Variants in SLC18B1 observed in about 807,000 individuals in gnomAD.
SLC18B1 encodes the protein MFS-type transporter SLC18B1.
A neutral mutation model predicts 53.9 loss-of-function variants in SLC18B1; 62 were observed. The observed-to-expected ratio is 1.15, with a 90% CI of 0.94 to 1.42. The LOEUF is 1.42. Ranked by LOEUF, SLC18B1 falls within the 40% of genes most tolerant of loss-of-function variation. The pLI is 0.00. For missense variants in SLC18B1, 598 were observed against 547.3 expected (o/e 1.09, Z -0.93); for synonymous variants, 217 against 200.9 (o/e 1.08, Z -0.68).
At chr6:132,775,851 G>C (rs1781085701) in intron 8 of SLC18B1, among the ~76,000 whole-genome samples, 1 of 152,160 alleles carries the variant, frequency 6.6e-6, no homozygotes, top group Non-Finnish European at 1.5e-5. Flanking sequence ...CTAGGACTTT[G>C]CCCTATTTAT....
rs1418554673 is a variant in SLC18B1, at chr6:132,774,301, A to G, written c.910T>C (p.Trp304Arg). The change falls in exon 9 of 14, where the codon TGG (tryptophan) becomes CGG (arginine). Residue 304 changes from tryptophan (W) to arginine (R), a missense_variant. Physicochemically the swap from Trp to Arg is moderately radical, Grantham distance 101 (BLOSUM62 -3). Transcript: ENST00000275227. Reference protein sequence around the residue: ...LSDKRPPLRKWLLVFGNLITA... With the variant: ...LSDKRPPLRKRLLVFGNLITA... The stretch of plus-strand genomic sequence containing the variant: ...ATTAAGTTGCCAAACACCAGAAGCC[A>G]TTTCCTTAGAGGCTGGTAAAGGAGA... 1 of 1,612,736 alleles carries G rather than the reference A, an allele frequency of 6.2e-7. No individual in the cohort carries two copies. Among genetic ancestry groups the G allele is most frequent in the Non-Finnish European group, 8.5e-7 (1 of 1,179,152 alleles).
In SLC18B1 at chr6:132,779,279, C is replaced by T. The variant is rs746893170; in HGVS notation, c.784G>A (p.Val262Ile). The T allele has an allele frequency of 3.1e-6, 5 of 1,613,692 alleles. No individual in the cohort carries two copies. In the South Asian group the frequency reaches 5.5e-5, roughly 18 times the overall value. ...ATCAGGTAACTTACCTTCTCCAAAA[C>T]AAAGAGAGACAGAGTAGGATCGAGG... ...GFLDPTLSLF[V>I]LEKFNLPAGY... The change falls in exon 7 of 14, where the codon GTT (valine) becomes ATT (isoleucine). Residue 262 changes from valine (V) to isoleucine (I), a missense_variant. Transcript: ENST00000275227.
At chr6:132,794,093 T>C (rs1051517385) in intron 2 of SLC18B1, among the ~76,000 whole-genome samples, 3 of 149,714 alleles carry the variant, frequency 2.0e-5, no homozygotes, top group Non-Finnish European at 2.9e-5. Flanking sequence ...CAGGCTCTTA[T>C]TATTTTTTTT....
intron 6 of SLC18B1, among the ~76,000 whole-genome samples, chr6:132,781,079 T>C (rs1398047772): frequency 1.3e-5 from 2 of 152,190 alleles, no homozygotes; most frequent in Non-Finnish European, 2.9e-5. Flanking sequence ...ATATAAATTA[T>C]AAAAGATTCT....
intron 6 of SLC18B1, among the ~76,000 whole-genome samples, chr6:132,780,600 T>A (rs1182060743): frequency 2.2e-5 from 3 of 137,594 alleles, no homozygotes; most frequent in Non-Finnish European, 4.8e-5. Flanking sequence ...GAGACAGTAG[T>A]TTTTTTTTTG....
chr6:132,798,038 G>A (rs1582878336), intron 1 of SLC18B1, among the ~76,000 whole-genome samples: 1 of 152,120 alleles, frequency 6.6e-6, no homozygotes, highest in African/African-American at 2.4e-5. Context: ...GAAGTCTTAC[G>A]AATCTTTGTA....
At chr6:132,792,947 C>T (rs6905784) in intron 2 of SLC18B1, among the ~76,000 whole-genome samples, 3,883 of 152,136 alleles carry the variant, frequency 0.026, 63 homozygotes, top group South Asian at 0.055. Context: ...GGTGAAACCC[C>T]GTCTCTACTA....
At chr6:132,777,909 G>A (rs1037025661) in intron 7 of SLC18B1, among the ~76,000 whole-genome samples, 3 of 152,112 alleles carry the variant, frequency 2.0e-5, no homozygotes, top group Non-Finnish European at 2.9e-5. Flanking sequence ...TGTCACACGC[G>A]TCCGTGTAAA....
At chr6:132,788,952 A>T (rs2114680765) in intron 4 of SLC18B1, among the ~76,000 whole-genome samples, 1 of 151,878 alleles carries the variant, frequency 6.6e-6, no homozygotes, top group Non-Finnish European at 1.5e-5. Flanking sequence ...GGAATAAAGA[A>T]AGAAAATAAA....
chr6:132,793,833 G>A (rs1023452129), intron 2 of SLC18B1, among the ~76,000 whole-genome samples: 11 of 152,024 alleles, frequency 7.2e-5, no homozygotes, highest in Middle Eastern at 3.2e-3. Flanking sequence ...TATAGTCCTC[G>A]GTAAGACTTC....
chr6:132,785,169 A>G (rs147047149), intron 5 of SLC18B1, among the ~76,000 whole-genome samples: 1 of 151,352 alleles, frequency 6.6e-6, no homozygotes, highest in Non-Finnish European at 1.5e-5. Flanking sequence ...ACATATATAT[A>G]TGTGGAATTT....
rs1562266750 is a variant in SLC18B1, at chr6:132,783,970, CA to C, written c.620del (p.Leu207ArgfsTer25). 6.2e-7 allele frequency: 1 copy of C among 1,606,386 alleles called. No individual in the cohort carries two copies. The highest frequency in any genetic ancestry group is 8.5e-7 in the Non-Finnish European group (1 of 1,177,012). ...PFIVLGCVVL[L>X]MVPLNMYILP... ...AAATATACATATTGAGTGGTACCAT[CA>C]GCAAAACGACGCATCCCAGAACAAT... On this transcript the variant is annotated frameshift_variant, in exon 6 of 14. Transcript: ENST00000275227. LOFTEE classifies it high-confidence loss of function.
intron 11 of SLC18B1, 31 bp from the exon 12 acceptor site, chr6:132,771,160 T>C (rs1780964277): frequency 1.3e-6 from 2 of 1,576,310 alleles, no homozygotes; most frequent in African/African-American, 1.4e-5. Flanking sequence ...AAGTATTCAA[T>C]AGTGCAAAAA....
At position 132,787,569 on chromosome 6, in the gene SLC18B1, T is replaced by A; in HGVS notation, c.366A>T (p.Arg122=). The change falls in exon 5 of 14, where the codon CGA becomes CGT. Residue 122 remains arginine (R), a synonymous_variant. Transcript: ENST00000275227. ...GVTILFGVLD[R]VPDGPVFIAM... is the part of the protein sequence containing the mutation. The stretch of plus-strand genomic sequence containing the variant: ...CAATAAATACTGGCCCATCTGGAAC[T>A]CGGTCCAATACACTAAAAAGGAATA... The A allele has an allele frequency of 6.3e-7, 1 of 1,594,160 alleles. No individual in the cohort carries two copies. The highest frequency in any genetic ancestry group is 1.4e-5 in the African/African-American group (1 of 73,088).
At chr6:132,792,642 G>A (rs1264102228) in intron 2 of SLC18B1, among the ~76,000 whole-genome samples, 1 of 152,058 alleles carries the variant, frequency 6.6e-6, no homozygotes, top group East Asian at 1.9e-4. Context: ...ATGAGGACAG[G>A]AACTTGCAAA....
At chr6:132,782,989 G>T (rs6569851) in intron 6 of SLC18B1, among the ~76,000 whole-genome samples, 25,950 of 151,812 alleles carry the variant, frequency 0.17, 4,870 homozygotes, top group African/African-American at 0.47. Context: ...TGGTCAGGCC[G>T]GTCTCAAACT....
rs1440709862 is a variant in SLC18B1, at chr6:132,770,217, T to C, written c.*53A>G. ...TAAAAACCCTTCCTACGGTGATGTT[T>C]AAGGCCAGGAGCATTCATTTCTCAA... On this transcript the variant is annotated 3_prime_UTR_variant, in exon 14 of 14. Coordinates refer to ENST00000275227, the MANE Select transcript of SLC18B1 (RefSeq NM_052831.3). The C allele has an allele frequency of 1.8e-5, 27 of 1,478,984 alleles. 1 individual carries two copies. The highest frequency in any genetic ancestry group is 2.4e-5 in the Non-Finnish European group (26 of 1,063,552). The allele number at this position is 1,478,984 out of a possible 1,614,324, so 91.6% of individuals were successfully genotyped here.
intron 2 of SLC18B1, among the ~76,000 whole-genome samples, chr6:132,792,225 CAG>C (rs1345447366): frequency 0.01 from 463 of 44,534 alleles, 16 homozygotes; most frequent in African/African-American, 0.033. Context: ...AAGACACTGT[CAG>C]AAAGAAAGAA....
chr6:132,775,926 G>A (rs1164890061), intron 8 of SLC18B1, among the ~76,000 whole-genome samples: 1 of 152,142 alleles, frequency 6.6e-6, no homozygotes, highest in East Asian at 1.9e-4. Flanking sequence ...TCTAGGAGCT[G>A]GATGTGGTGG....
Sources: allele counts gnomAD v4.1 joint callset (sites outside exome capture counted in the v4.1 genomes callset), GRCh38; gene constraint gnomAD v4.1.1; transcripts MANE v1.5; gene names NCBI Gene and HGNC (gene_info 2026-07-23, HGNC 2026-07-21).